Variants in INPP4B observed in about 807,000 individuals in gnomAD.
The protein encoded by INPP4B is inositol polyphosphate-4-phosphatase type II B.
INPP4B carries 55 observed loss-of-function variants against 122.5 expected under a neutral mutation model. The ratio of observed to expected loss-of-function variants is 0.45; its 90% CI spans 0.36 to 0.56. INPP4B has a LOEUF of 0.56. INPP4B is among the 20% of genes least tolerant of loss of function. The pLI, the probability that INPP4B is intolerant of heterozygous loss-of-function variation, is 0.00. For missense variants in INPP4B, 1,000 were observed against 1,097.7 expected, an observed-to-expected ratio of 0.91 and a Z score of 1.26; for synonymous variants, 403 against 388.7, an observed-to-expected ratio of 1.04 and a Z score of -0.43.
At chr4:142,619,877 G>A (rs1744516342) in intron 2 of INPP4B, among the ~76,000 whole-genome samples, 2 of 152,004 alleles carry the variant, frequency 1.3e-5, no homozygotes, top group Non-Finnish European at 2.9e-5. Context: ...TTGCCACAAA[G>A]TAAGGATACT....
chr4:142,257,091 C>T (rs1315835221), intron 11 of INPP4B, among the ~76,000 whole-genome samples: 4 of 151,984 alleles, frequency 2.6e-5, no homozygotes, highest in East Asian at 1.9e-4. Context: ...ATAAACAGAA[C>T]CAAAGACAAA....
At chr4:142,509,386 T>TC (rs1824425562) in intron 2 of INPP4B, among the ~76,000 whole-genome samples, 2 of 151,746 alleles carry the variant, frequency 1.3e-5, no homozygotes, top group Admixed American at 1.3e-4. Flanking sequence ...TTGCCCCCCA[T>TC]CCCCTGACAG....
chr4:142,627,788 C>T (rs910824164), intron 2 of INPP4B, among the ~76,000 whole-genome samples: 2 of 152,072 alleles, frequency 1.3e-5, no homozygotes, highest in Non-Finnish European at 2.9e-5. Context: ...AGGAGGATTC[C>T]CTCTTTTTCT....
intron 11 of INPP4B, among the ~76,000 whole-genome samples, chr4:142,253,127 T>C (rs1309221713): frequency 6.6e-6 from 1 of 152,108 alleles, no homozygotes; most frequent in Non-Finnish European, 1.5e-5. Flanking sequence ...AGTAAAAATA[T>C]GGTATAAAAG....
intron 2 of INPP4B, among the ~76,000 whole-genome samples, chr4:142,552,429 T>C (rs1580351539): frequency 1.3e-5 from 2 of 149,214 alleles, no homozygotes; most frequent in Non-Finnish European, 3.0e-5. Flanking sequence ...ACTTGAAGTC[T>C]TAAAAAAAAA....
At chr4:142,223,398 A>C (rs1850209144) in intron 12 of INPP4B, among the ~76,000 whole-genome samples, 1 of 152,154 alleles carries the variant, frequency 6.6e-6, no homozygotes, top group South Asian at 2.1e-4. Flanking sequence ...ATTTTGAGTG[A>C]GGTTTATATT....
chr4:142,216,009 G>T (rs1847098393), intron 12 of INPP4B, among the ~76,000 whole-genome samples: 1 of 146,574 alleles, frequency 6.8e-6, no homozygotes, highest in Non-Finnish European at 1.5e-5. Flanking sequence ...TAGCAAAGGA[G>T]ATTAGCTACA....
intron 5 of INPP4B, among the ~76,000 whole-genome samples, chr4:142,420,106 A>C (rs1806552503): frequency 6.6e-6 from 1 of 151,958 alleles, no homozygotes; most frequent in Admixed American, 6.6e-5. Flanking sequence ...AGACAAATTA[A>C]AAAAAAGTAT....
chr4:142,161,781 A>G (rs1351201226), intron 16 of INPP4B, among the ~76,000 whole-genome samples: 1 of 151,956 alleles, frequency 6.6e-6, no homozygotes, highest in African/African-American at 2.4e-5. Flanking sequence ...GCCATAGATC[A>G]TAAAATTTTA....
intron 2 of INPP4B, among the ~76,000 whole-genome samples, chr4:142,652,428 T>C (rs1391396784): frequency 1.3e-5 from 2 of 152,164 alleles, no homozygotes; most frequent in Non-Finnish European, 2.9e-5. Flanking sequence ...GGAAGTCAAA[T>C]TGTCCCTGTT....
intron 11 of INPP4B, among the ~76,000 whole-genome samples, chr4:142,257,414 T>C (rs945103419): frequency 2.0e-5 from 3 of 152,168 alleles, no homozygotes; most frequent in Non-Finnish European, 2.9e-5. Context: ...GAAGTCAGAT[T>C]GTCCCTGTTT....
chr4:142,237,607 T>G (rs1359476754), intron 12 of INPP4B, among the ~76,000 whole-genome samples: 1 of 151,986 alleles, frequency 6.6e-6, no homozygotes, highest in African/African-American at 2.4e-5. Flanking sequence ...ATGGGACTAG[T>G]GGCCACCATA....
At chr4:142,315,887 G>A (rs1767432277) in intron 7 of INPP4B, among the ~76,000 whole-genome samples, 1 of 151,648 alleles carries the variant, frequency 6.6e-6, no homozygotes, top group Admixed American at 6.6e-5. Context: ...ATCCCTTTAT[G>A]CACACTTCTC....
At chr4:142,704,454 G>A (rs987073536) in intron 2 of INPP4B, among the ~76,000 whole-genome samples, 14 of 152,144 alleles carry the variant, frequency 9.2e-5, no homozygotes, top group African/African-American at 3.1e-4. Context: ...AACAAGACAT[G>A]TGTGGCCTCT....
At chr4:142,109,341 T>C (rs986840916) in intron 22 of INPP4B, among the ~76,000 whole-genome samples, 11 of 152,174 alleles carry the variant, frequency 7.2e-5, no homozygotes, top group Admixed American at 2.0e-4. Flanking sequence ...TAACATCAAC[T>C]ACATACCATA....
intron 22 of INPP4B, among the ~76,000 whole-genome samples, chr4:142,111,289 T>G (rs1343129410): frequency 6.6e-6 from 1 of 152,118 alleles, no homozygotes; most frequent in African/African-American, 2.4e-5. Flanking sequence ...AGTCAGCCCC[T>G]ACAGCCAAGA....
intron 2 of INPP4B, among the ~76,000 whole-genome samples, chr4:142,624,830 C>T (rs990012502): frequency 2.2e-4 from 33 of 152,046 alleles, no homozygotes; most frequent in South Asian, 1.9e-3. Flanking sequence ...GTTCAATATA[C>T]GCAAATCAAT....
At chr4:142,080,826 T>C (rs1435012300) in intron 25 of INPP4B, among the ~76,000 whole-genome samples, 2 of 152,168 alleles carry the variant, frequency 1.3e-5, no homozygotes, top group East Asian at 3.9e-4. Context: ...GTTCCATCTA[T>C]AGTGACATTT....
chr4:142,029,322 T>C (rs1738348320), intron 25 of INPP4B: 1 of 985,608 alleles, frequency 1.0e-6, no homozygotes. Flanking sequence ...AGGCATTTAA[T>C]TTATTAAGTC....
Sources: allele counts gnomAD v4.1 joint callset (sites outside exome capture counted in the v4.1 genomes callset), GRCh38; gene constraint gnomAD v4.1.1; transcripts MANE v1.5; gene names NCBI Gene and HGNC (gene_info 2026-07-23, HGNC 2026-07-21).